The following SYT16 variants were observed in gnomAD, a reference collection of about 807,000 sequenced individuals.
SYT16 encodes synaptotagmin-16.
Under a neutral mutation model 61.4 loss-of-function variants are expected in SYT16, and 42 were observed. That is an observed-to-expected ratio of 0.68 (90% CI 0.53 to 0.89). SYT16 has a LOEUF of 0.89. Ranked by LOEUF, SYT16 falls within the 40% of genes least tolerant of loss-of-function variation. The probability of loss-of-function intolerance (pLI) is 0.00; values close to 1 mark genes in which losing one functional copy is unlikely to be tolerated. For synonymous variants in SYT16, 314 were observed against 302.3 expected, an observed-to-expected ratio of 1.04 and a Z score of -0.40; for missense variants, 804 against 807.3, an observed-to-expected ratio of 1.00 and a Z score of 0.05.
At chr14:61,832,708 G>T (rs1309430511) in intron 1 of SYT16, among the ~76,000 whole-genome samples, 4 of 152,166 alleles carry the variant, frequency 2.6e-5, no homozygotes, top group Non-Finnish European at 5.9e-5. Flanking sequence ...AAGGTGTTAG[G>T]ATTACATGCG....
Position 61,839,506 on chromosome 14 carries a change from A to C in SYT16, c.-325+26696A>C, listed in dbSNP as rs372117131. Among the ~76,000 whole-genome samples the C allele has an allele frequency of 5.9e-5, 9 of 152,328 alleles. No homozygotes were observed. In the East Asian group the frequency reaches 1.5e-3, roughly 26 times the overall value. On this transcript the variant is annotated intron_variant, in intron 1 of 7. Coordinates refer to ENST00000683842, the MANE Select transcript of SYT16 (RefSeq NM_001367656.1). ...TTATATATAAGTCAGGAGGTAACCTATATGAGATGATATTTTAGCTGTGCC... is the reference window on the plus strand; with the variant it reads ...TTATATATAAGTCAGGAGGTAACCTCTATGAGATGATATTTTAGCTGTGCC...
intron 3 of SYT16, among the ~76,000 whole-genome samples, chr14:62,038,731 A>G (rs906085013): frequency 6.6e-6 from 1 of 152,166 alleles, no homozygotes; most frequent in Non-Finnish European, 1.5e-5. Context: ...AATGTGATGG[A>G]AGGACTATGT....
chr14:62,042,779 T>C (rs2054788211), intron 3 of SYT16, among the ~76,000 whole-genome samples: 2 of 152,198 alleles, frequency 1.3e-5, no homozygotes, highest in Non-Finnish European at 2.9e-5. Flanking sequence ...TCCCTGGACA[T>C]CTTACTCCAT....
At chr14:62,090,970 G>A (rs2141000250) in intron 7 of SYT16, among the ~76,000 whole-genome samples, 1 of 152,234 alleles carries the variant, frequency 6.6e-6, no homozygotes, top group Non-Finnish European at 1.5e-5. Context: ...GAACAGCACG[G>A]AAAGACCCAC....
intron 1 of SYT16, among the ~76,000 whole-genome samples, chr14:61,906,905 C>G (rs2048746173): frequency 6.6e-6 from 1 of 152,170 alleles, no homozygotes; most frequent in Admixed American, 6.5e-5. Flanking sequence ...AAATGAGACA[C>G]ACAGCACTTT....
chr14:61,834,989 TAAAG>T (rs1240192367), intron 1 of SYT16, among the ~76,000 whole-genome samples: 1 of 152,232 alleles, frequency 6.6e-6, no homozygotes, highest in Non-Finnish European at 1.5e-5. Context: ...ATTAAGGTCT[TAAAG>T]AAACTTACCT....
chr14:61,853,684 C>T lies in SYT16; in HGVS notation c.-325+40874C>T, dbSNP rs377424917. On this transcript the variant is annotated intron_variant, in intron 1 of 7. Transcript: ENST00000683842. ...AAATAAATTGCTATTGTTTTTAAGCCGCTAGCTTATGGCATTTTGTTACAG... is the reference window on the plus strand; with the variant it reads ...AAATAAATTGCTATTGTTTTTAAGCTGCTAGCTTATGGCATTTTGTTACAG... Among the ~76,000 whole-genome samples the T allele has an allele frequency of 1.4e-4, 21 of 152,202 alleles. 1 individual carries two copies. Among genetic ancestry groups the T allele is most frequent in the African/African-American group, 4.1e-4 (17 of 41,536 alleles).
chr14:61,867,018 C>T (rs754546250), intron 1 of SYT16, among the ~76,000 whole-genome samples: 7 of 151,688 alleles, frequency 4.6e-5, no homozygotes, highest in Admixed American at 1.3e-4. Context: ...TATCCTTTCC[C>T]GGTTGCATTA....
intron 1 of SYT16, among the ~76,000 whole-genome samples, chr14:61,930,699 G>A (rs1490885283): frequency 1.3e-5 from 2 of 152,150 alleles, no homozygotes; most frequent in Admixed American, 1.3e-4. Flanking sequence ...AATAGGGAAA[G>A]CATGCTGGGT....
chr14:61,903,717 AT>A (rs1456943089), intron 1 of SYT16, among the ~76,000 whole-genome samples: 1 of 152,204 alleles, frequency 6.6e-6, no homozygotes, highest in African/African-American at 2.4e-5. Flanking sequence ...TAGGAAGTAG[AT>A]TATAGGTAGT....
intron 6 of SYT16, among the ~76,000 whole-genome samples, chr14:62,083,474 T>C (rs2056779874): frequency 1.3e-5 from 2 of 152,118 alleles, no homozygotes; most frequent in Admixed American, 6.5e-5. Context: ...TGGGGAAGTG[T>C]AGGTGCTCAG....
chr14:62,080,197 G>A (rs1230013038), intron 5 of SYT16, among the ~76,000 whole-genome samples: 1 of 152,190 alleles, frequency 6.6e-6, no homozygotes, highest in Non-Finnish European at 1.5e-5. Context: ...TGTGAGCCGA[G>A]GCTAGCAGCG....
intron 1 of SYT16, among the ~76,000 whole-genome samples, chr14:61,898,362 G>T (rs2048398607): frequency 1.3e-5 from 2 of 152,196 alleles, no homozygotes; most frequent in South Asian, 4.1e-4. Context: ...CACTGTGCCT[G>T]TTCCCTGCTC....
At chr14:61,911,631 G>A (rs2048938723) in intron 1 of SYT16, among the ~76,000 whole-genome samples, 1 of 152,184 alleles carries the variant, frequency 6.6e-6, no homozygotes, top group African/African-American at 2.4e-5. Context: ...TTAAAAAATT[G>A]AAAGCATTAA....
At chr14:62,006,857 A>C (rs1385015845) in intron 3 of SYT16, among the ~76,000 whole-genome samples, 2 of 152,218 alleles carry the variant, frequency 1.3e-5, no homozygotes. Context: ...GTTTCCAAGA[A>C]ATATGCTCAC....
chr14:62,004,132 A>G (rs1225584962), intron 3 of SYT16, among the ~76,000 whole-genome samples: 1 of 152,212 alleles, frequency 6.6e-6, no homozygotes, highest in Non-Finnish European at 1.5e-5. Flanking sequence ...TAAAGAAAAA[A>G]GCTTTAATTG....
chr14:61,900,237 C>T (rs908203762), intron 1 of SYT16, among the ~76,000 whole-genome samples: 4 of 150,234 alleles, frequency 2.7e-5, no homozygotes, highest in African/African-American at 9.8e-5. Context: ...CGGCTCACTG[C>T]AACCTCTGCC....
chr14:61,891,507 C>G (rs897158090), intron 1 of SYT16, among the ~76,000 whole-genome samples: 37 of 152,176 alleles, frequency 2.4e-4, no homozygotes, highest in Admixed American at 1.6e-3. Flanking sequence ...AGATAATGAG[C>G]CTGAATAGCT....
chr14:61,984,119 G>T (rs976040758), intron 2 of SYT16, among the ~76,000 whole-genome samples: 8 of 152,082 alleles, frequency 5.3e-5, no homozygotes, highest in African/African-American at 1.7e-4. Context: ...TTAACAGAAA[G>T]GTTTTTTAAA....
Sources: gnomAD v4.1 joint callset for allele counts (sites outside exome capture counted in the v4.1 genomes callset) on GRCh38, gnomAD v4.1.1 for gene constraint, MANE v1.5 for transcripts, NCBI Gene and HGNC (gene_info 2026-07-23, HGNC 2026-07-21) for gene names.